Variants in MB observed in about 807,000 individuals in gnomAD.
MB encodes the protein myoglobin.
MB carries 10 observed loss-of-function variants against 14.5 expected under a neutral mutation model. That is an observed-to-expected ratio of 0.69 (90% CI 0.43 to 1.17). MB has a LOEUF of 1.17. Ranked by LOEUF, MB falls within the 50% of genes most tolerant of loss-of-function variation. MB has a pLI of 0.00. For missense variants in MB, 169 were observed against 192.7 expected (o/e 0.88, Z 0.73); for synonymous variants, 89 against 78.6 (o/e 1.13, Z -0.70).
upstream of MB, among the ~76,000 whole-genome samples, chr22:35,620,467 C>T (rs1601848662): frequency 3.3e-5 from 5 of 152,350 alleles, no homozygotes; most frequent in Middle Eastern, 0.017. Flanking sequence ...CAGGCCCAGC[C>T]TCAGAAGGAA....
chr22:35,619,600 C>G (rs1249033310), upstream of MB, among the ~76,000 whole-genome samples: 1 of 152,256 alleles, frequency 6.6e-6, no homozygotes, highest in African/African-American at 2.4e-5. Flanking sequence ...AGGGCTCCAT[C>G]TGAATAGTCA....
chr22:35,618,720 C>A (rs1923259866), upstream of MB, among the ~76,000 whole-genome samples: 2 of 151,058 alleles, frequency 1.3e-5, no homozygotes, highest in Middle Eastern at 3.6e-3. Flanking sequence ...CATCCAAAAT[C>A]CACCAGTTCC....
rs1922597634 is a variant in MB, at chr22:35,611,157, C to G, written c.96-51G>C. 6.7e-6 allele frequency: 9 copies of G among 1,345,264 alleles called. 1 individual carries two copies. The East Asian group carries it at 2.1e-4, about 31-fold the overall frequency. The allele number at this position is 1,345,264 out of a possible 1,614,324, so 83.3% of individuals were successfully genotyped here. A position where few individuals can be genotyped will look rare whatever the true frequency, so the allele number is the denominator to read the frequency against. On this transcript the variant is annotated intron_variant, in intron 1 of 2. Coordinates refer to ENST00000397326, the MANE Select transcript of MB (RefSeq NM_005368.3). The stretch of plus-strand genomic sequence containing the variant: ...CGGCATGGGAGGTGCGGTGTGAGGT[C>G]TGGGGGCAGCCAGACTAGAGTTCAA...
Position 35,610,944 on chromosome 22 carries a change from C to A in MB, c.258G>T (p.Glu86Asp), listed in dbSNP as rs369003833. Residue 86 changes from glutamate to aspartate, a missense_variant, in exon 2 of 3, where the codon GAG (glutamate) becomes GAT (aspartate). Glu to Asp is a conservative substitution (Grantham distance 45). Transcript: ENST00000397326. ...ILKKKGHHEA[E>D]IKPLAQSHAT... ...CATGCGACTGTGCCAGGGGCTTAAT[C>A]TCTGCCTCATGATGCCCCTTCTTCT... 9.3e-6 allele frequency: 15 copies of A among 1,614,062 alleles called. No homozygotes were observed. In the African/African-American group the frequency reaches 2.0e-4, roughly 22 times the overall value.
rs1464672989 is a variant in MB, at chr22:35,607,383, C to T, written c.379G>A (p.Asp127Asn). The T allele has an allele frequency of 1.2e-6, 2 of 1,614,160 alleles. No individual in the cohort carries two copies. Among genetic ancestry groups the T allele is most frequent in the African/African-American group, 2.7e-5 (2 of 75,058 alleles). ...GCCTTGTTCATGGCCCCCTGGGCAT[C>T]AGCACCAAAGTCCCCGGGATGCTTG... is the stretch of plus-strand genomic sequence containing the variant. ...QSKHPGDFGA[D>N]AQGAMNKALE... is the part of the protein sequence containing the mutation. Residue 127 changes from aspartate (D) to asparagine (N), a missense_variant, in exon 3 of 3, where the codon GAT becomes AAT. Transcript: ENST00000397326.
chr22:35,615,426 GGC>G (rs1922996994), intron 1 of MB: 1 of 152,274 alleles, frequency 6.6e-6, no homozygotes, highest in African/African-American at 2.4e-5. Flanking sequence ...TCTTATCCCT[GGC>G]TCCCGGCCCC....
chr22:35,616,205 G>A (rs1000702110), intron 1 of MB, among the ~76,000 whole-genome samples: 1 of 152,298 alleles, frequency 6.6e-6, no homozygotes, highest in African/African-American at 2.4e-5. Flanking sequence ...ACTTCTGAGG[G>A]AACCAGCTCA....
At chr22:35,622,154 C>T (rs1488410334), upstream of MB, 1 of 152,204 alleles carries the variant, frequency 6.6e-6, no homozygotes. Flanking sequence ...TCTGGCTCCT[C>T]AAAGCCAGGA....
intron 1 of MB, among the ~76,000 whole-genome samples, chr22:35,615,081 C>G (rs911210044): frequency 1.3e-5 from 2 of 152,154 alleles, no homozygotes; most frequent in Non-Finnish European, 2.9e-5. Flanking sequence ...TGTTTGTGTA[C>G]GTGCAGTGAA....
At chr22:35,612,659 G>A (rs761231724) in intron 1 of MB, among the ~76,000 whole-genome samples, 2 of 152,150 alleles carry the variant, frequency 1.3e-5, no homozygotes, top group African/African-American at 2.4e-5. Context: ...TTTTGCAGAG[G>A]AAGAAACAGA....
rs750412165 is a variant in MB, at chr22:35,607,277, G to A, written c.*20C>T. Reference sequence around the variant, plus strand: ...CTTGAACCCGGGGCCCAGATGGGTGGGGGTGGGAGCGGCAGGGGCCTAGCC... The same window carrying A: ...CTTGAACCCGGGGCCCAGATGGGTGAGGGTGGGAGCGGCAGGGGCCTAGCC... On this transcript the variant is annotated 3_prime_UTR_variant, in exon 3 of 3. Transcript: ENST00000397326. The A allele has an allele frequency of 1.9e-6, 3 of 1,604,746 alleles. No homozygotes were observed. Among genetic ancestry groups the A allele is most frequent in the South Asian group, 1.1e-5 (1 of 90,680 alleles).
chr22:35,617,123 G>C (rs779050525), intron 1 of MB, 40 bp downstream of exon 1: 7 of 1,500,392 alleles, frequency 4.7e-6, no homozygotes, highest in Admixed American at 1.7e-5. Flanking sequence ...CTTGATCTTA[G>C]GGTGTGGGTG....
In MB at chr22:35,610,851, G is replaced by A. The variant is rs759542944; in HGVS notation, c.318+33C>T. The A allele has an allele frequency of 9.0e-6, 14 of 1,548,880 alleles. No individual in the cohort carries two copies. In the East Asian group the frequency reaches 1.9e-4, roughly 21 times the overall value. On this transcript the variant is annotated intron_variant, in intron 2 of 2. Transcript: ENST00000397326. ...CATTGCCCCACCCGAGGCCTTCCCC[G>A]CATCCTCCCACCTGCCCAGGCTCTG...
At chr22:35,610,108 C>G (rs946607860) in intron 2 of MB, among the ~76,000 whole-genome samples, 1 of 152,192 alleles carries the variant, frequency 6.6e-6, no homozygotes, top group African/African-American at 2.4e-5. Context: ...ACCAGACTTC[C>G]TGCTGTTTCT....
rs139971763 is a variant in MB, at chr22:35,609,266, G to A, written c.318+1618C>T. On this transcript the variant is annotated intron_variant, in intron 2 of 2. Transcript: ENST00000397326. ...CACACAGCCTGGCAGTGCCATGACC[G>A]GAGATGAAGATAAAGTGCCATGGTG... Among the ~76,000 whole-genome samples the A allele has an allele frequency of 6.6e-5, 10 of 152,272 alleles. No individual in the cohort carries two copies. In the East Asian group the frequency reaches 7.7e-4, roughly 12 times the overall value.
upstream of MB, among the ~76,000 whole-genome samples, chr22:35,619,966 C>A (rs1436285238): frequency 1.3e-5 from 2 of 152,220 alleles, no homozygotes; most frequent in Admixed American, 6.5e-5. Context: ...AAGTCAACCC[C>A]AAATGCTAGG....
chr22:35,617,314 C>A lies in MB; in HGVS notation c.-57G>T, dbSNP rs1046091349. 62 of 1,430,230 alleles carry A rather than the reference C, an allele frequency of 4.3e-5. No individual in the cohort carries two copies. The Middle Eastern group carries it at 7.0e-4, about 16-fold the overall frequency. 88.6% of individuals were successfully genotyped at this position (1,430,230 alleles called of 1,614,324 possible). A position where few individuals can be genotyped will look rare whatever the true frequency, so the allele number is the denominator to read the frequency against. The stretch of plus-strand genomic sequence containing the variant: ...TATGGGCTCACTGGGTGTCCTGGCC[C>A]CAACAGCTGGGGTTTGAGGCTGCCT... On this transcript the variant is annotated 5_prime_UTR_variant, in exon 1 of 3. Coordinates refer to ENST00000397326, the MANE Select transcript of MB (RefSeq NM_005368.3).
At chr22:35,610,470 G>A (rs1056396793) in intron 2 of MB, among the ~76,000 whole-genome samples, 3 of 152,164 alleles carry the variant, frequency 2.0e-5, no homozygotes, top group African/African-American at 7.2e-5. Flanking sequence ...TAGTAATAGA[G>A]ACCTGCGTTT....
chr22:35,607,106 C>T lies in MB; in HGVS notation c.*191G>A. The T allele has an allele frequency of 1.8e-6, 1 of 551,122 alleles. No individual in the cohort carries two copies. Among genetic ancestry groups the T allele is most frequent in the East Asian group, 2.9e-5 (1 of 34,918 alleles). The allele number at this position is 551,122 out of a possible 1,614,324, so 34.1% of individuals were successfully genotyped here. ...CCCGGTTCCCAGGGTGATGACATCC[C>T]ACAGGGAGGCGCATCGCTGGGCATG... On this transcript the variant is annotated 3_prime_UTR_variant, in exon 3 of 3. Transcript: ENST00000397326.
Sources: allele counts gnomAD v4.1 joint callset (sites outside exome capture counted in the v4.1 genomes callset), GRCh38; gene constraint gnomAD v4.1.1; transcripts MANE v1.5; gene names NCBI Gene and HGNC (gene_info 2026-07-23, HGNC 2026-07-21).